GANC: variants seen among roughly 807,000 people sequenced by gnomAD.
GANC encodes glucosidase alpha, neutral C.
In GANC, 117 loss-of-function variants were observed where a neutral mutation model predicts 124.2. The ratio of observed to expected loss-of-function variants is 0.94; its 90% CI spans 0.81 to 1.10. GANC has a LOEUF of 1.10. Among genes scored for constraint, GANC ranks in the 50% least tolerant of loss-of-function variants. The pLI, the probability that GANC is intolerant of heterozygous loss-of-function variation, is 0.00. For missense variants in GANC, 1,140 were observed against 1,095.0 expected (o/e 1.04, Z -0.58); for synonymous variants, 377 against 376.8 (o/e 1.00, Z -0.01).
chr15:42,329,149 A>T (rs1350948151), intron 13 of GANC, among the ~76,000 whole-genome samples, 157 bp from the exon 14 acceptor site: 1 of 152,244 alleles, frequency 6.6e-6, no homozygotes, highest in African/African-American at 2.4e-5. Flanking sequence ...AACAAAACAG[A>T]CAAAATGTTG....
rs958431588 is a variant in GANC at position 42,353,656 on chromosome 15, G to A, written c.*1517G>A. 7.1e-6 allele frequency: 7 copies of A among 985,254 alleles called. No individual in the cohort carries two copies. The highest frequency in any genetic ancestry group is 1.2e-4 in the Admixed American group (2 of 16,256). The allele number at this position is 985,254 out of a possible 1,614,324, so 61.0% of individuals were successfully genotyped here. ...TGGATTTAATTGATTAAAAAATTAC[G>A]ATTGAATGTATTTCCATCTGATTTG... On this transcript the variant is annotated 3_prime_UTR_variant, in exon 24 of 24. Coordinates refer to ENST00000318010, the MANE Select transcript of GANC (RefSeq NM_198141.3).
chr15:42,295,762 C>T (rs1386099449), intron 5 of GANC, among the ~76,000 whole-genome samples: 1 of 151,954 alleles, frequency 6.6e-6, no homozygotes, highest in South Asian at 2.1e-4. Flanking sequence ...GTCACTACTC[C>T]ATCCTAACAA....
chr15:42,303,381 G>C (rs927691298), intron 6 of GANC, among the ~76,000 whole-genome samples: 1 of 152,124 alleles, frequency 6.6e-6, no homozygotes, highest in South Asian at 2.1e-4. Flanking sequence ...GGAAAAATCA[G>C]CCCTAGCCAC....
At chr15:42,350,022 C>CTTTTTTTTTTTTTTTTTTTTTTTTT (rs753077889) in intron 22 of GANC, among the ~76,000 whole-genome samples, 1 of 75,036 alleles carries the variant, frequency 1.3e-5, no homozygotes, top group Non-Finnish European at 2.5e-5. Context: ...CTTTCCCCCA[C>CTTTTTTTTTTTTTTTTTTTTTTTTT]TTTTTTTTTT....
At chr15:42,314,446 G>C in intron 10 of GANC, 2 of 331,262 alleles carry the variant, frequency 6.0e-6, no homozygotes, top group Non-Finnish European at 1.1e-5. Context: ...CTGAGCTTGT[G>C]ACACAGCTAA....
In GANC at chr15:42,306,621, GA is replaced by G; in HGVS notation, c.625+12del. The G allele has an allele frequency of 6.3e-7, 1 of 1,575,552 alleles. No individual in the cohort carries two copies. Among genetic ancestry groups the G allele is most frequent in the East Asian group, 2.2e-5 (1 of 44,636 alleles). On this transcript the variant is annotated intron_variant, in intron 7 of 23. Transcript: ENST00000318010. The stretch of plus-strand genomic sequence containing the variant: ...GGATATCAAAGCTAATGGTAAAATT[GA>G]AACTGGTATAGTATTAAAACAGATC...
At chr15:42,309,891 G>A (rs148231090) in intron 8 of GANC, among the ~76,000 whole-genome samples, 82 of 152,116 alleles carry the variant, frequency 5.4e-4, no homozygotes, top group African/African-American at 1.9e-3. Context: ...GTAGTGGCAC[G>A]CACCTGTATT....
rs199846103 is a variant in GANC at position 42,345,813 on chromosome 15, T to C, written c.2285T>C (p.Ile762Thr). The change falls in exon 20 of 24, where the codon ATC becomes ACC. Residue 762 changes from isoleucine to threonine, a missense_variant. By Grantham distance (89) the Ile-to-Thr change is moderately conservative. Coordinates refer to ENST00000318010, the MANE Select transcript of GANC (RefSeq NM_198141.3). ...AHWEGGCTVK[I>T]PVALDTIPVF... ...TGGGAAGGAGGGTGTACTGTAAAGA[T>C]CCCAGTAGCCTTGGACACTGTAAGT... The C allele has an allele frequency of 5.0e-6, 8 of 1,610,854 alleles. No individual in the cohort carries two copies. In the East Asian group the frequency reaches 1.8e-4, roughly 36 times the overall value.
chr15:42,344,101 C>T lies in GANC; in HGVS notation c.2229+947C>T, dbSNP rs184025166. Among the ~76,000 whole-genome samples, 35 of 152,338 alleles carry T rather than the reference C, an allele frequency of 2.3e-4. No individual in the cohort carries two copies. The East Asian group carries it at 6.4e-3, about 28-fold the overall frequency. On this transcript the variant is annotated intron_variant, in intron 19 of 23. Transcript: ENST00000318010. ...GGCAACCCCATGAAACCACATCCAG[C>T]GCCGTGCTCTCCCTCAACATAGCTT...
In GANC at chr15:42,353,396, A is replaced by G. The variant is rs1005436973; in HGVS notation, c.*1257A>G. The G allele has an allele frequency of 2.1e-5, 21 of 978,880 alleles. No individual in the cohort carries two copies. In the African/African-American group the frequency reaches 3.5e-4, roughly 16 times the overall value. 60.6% of individuals were successfully genotyped at this position (978,880 alleles called of 1,614,324 possible). Reference sequence around the variant, plus strand: ...CTTTCCCATGAAGCCTAACTGCGTGAACACCCCTACCCCCATACCCATTAG... The same window carrying G: ...CTTTCCCATGAAGCCTAACTGCGTGGACACCCCTACCCCCATACCCATTAG... On this transcript the variant is annotated 3_prime_UTR_variant, in exon 24 of 24. Coordinates refer to ENST00000318010, the MANE Select transcript of GANC (RefSeq NM_198141.3).
chr15:42,284,030 G>A (rs531911089), intron 3 of GANC: 67 of 701,580 alleles, frequency 9.5e-5, no homozygotes, highest in African/African-American at 1.9e-4. Context: ...TCTGGATCCC[G>A]GGAGGTCTTG....
chr15:42,321,838 A>T lies in GANC; in HGVS notation c.1111A>T (p.Asn371Tyr), dbSNP rs751368632. ...TTTGGGATACCACCAGTGCCGCTGG[A>T]ACTATGAAGATGAGCAGGATGTAAA... is the stretch of plus-strand genomic sequence containing the variant. Reference protein sequence around the residue: ...FSLGYHQCRWNYEDEQDVKAV... With the variant: ...FSLGYHQCRWYYEDEQDVKAV... The change falls in exon 11 of 24, where the codon AAC becomes TAC. Residue 371 changes from asparagine to tyrosine, a missense_variant. By Grantham distance (143) the Asn-to-Tyr change is moderately radical. Coordinates refer to ENST00000318010, the MANE Select transcript of GANC (RefSeq NM_198141.3). 1.0e-4 allele frequency: 165 copies of T among 1,614,100 alleles called. No homozygotes were observed. The highest frequency in any genetic ancestry group is 4.9e-4 in the Middle Eastern group (3 of 6,084).
intron 6 of GANC, among the ~76,000 whole-genome samples, chr15:42,300,276 A>G (rs2141034291): frequency 1.3e-5 from 2 of 152,332 alleles, no homozygotes; most frequent in Middle Eastern, 6.8e-3. Context: ...AAACAACCCC[A>G]TCAAAACATA....
Position 42,310,413 on chromosome 15 carries a change from C to T in GANC, c.853C>T (p.Leu285=). 6.2e-7 allele frequency: 1 copy of T among 1,613,648 alleles called. No homozygotes were observed. ...GGGCAGAACTATAGGTATTTTCTGG[C>T]TGAATGCCTCGGAAACACTGGTGGA... is the stretch of plus-strand genomic sequence containing the variant. ...KLGRTIGIFW[L]NASETLVEIN... is the part of the protein sequence containing the mutation. Residue 285 remains leucine (L), a synonymous_variant, in exon 9 of 24, where the codon CTG becomes TTG. Transcript: ENST00000318010.
chr15:42,308,373 C>A, intron 8 of GANC, 55 bp downstream of exon 8: 4 of 1,194,232 alleles, frequency 3.3e-6, no homozygotes, highest in Admixed American at 1.7e-5. Flanking sequence ...TTGAGATGAT[C>A]TGAAAACATT....
chr15:42,352,738 TTTC>T lies in GANC; in HGVS notation c.*601_*603del, dbSNP rs1402072531. 2.0e-6 allele frequency: 2 copies of T among 985,268 alleles called. No individual in the cohort carries two copies. Among genetic ancestry groups the T allele is most frequent in the African/African-American group, 3.5e-5 (2 of 57,230 alleles). 61.0% of individuals were successfully genotyped at this position (985,268 alleles called of 1,614,324 possible). On this transcript the variant is annotated 3_prime_UTR_variant, in exon 24 of 24. Coordinates refer to ENST00000318010, the MANE Select transcript of GANC (RefSeq NM_198141.3). ...CTTTCATGCTTCTCAGGCTCAATAGTTTCTAATTAATCTTAAAATCCATGTCTT... is the reference window on the plus strand; with the variant it reads ...CTTTCATGCTTCTCAGGCTCAATAGTTAATTAATCTTAAAATCCATGTCTT...
chr15:42,351,378 A>G lies in GANC; in HGVS notation c.2581A>G (p.Ile861Val). 1 of 1,614,064 alleles carries G rather than the reference A, an allele frequency of 6.2e-7. No homozygotes were observed. The highest frequency in any genetic ancestry group is 8.5e-7 in the Non-Finnish European group (1 of 1,179,970). The change falls in exon 23 of 24, where the codon ATC (isoleucine) becomes GTC (valine). Residue 861 changes from isoleucine (I) to valine (V), a missense_variant. By Grantham distance (29) the Ile-to-Val change is conservative (BLOSUM62 3). Coordinates refer to ENST00000318010, the MANE Select transcript of GANC (RefSeq NM_198141.3). ...HYPSKCVVEK[I>V]LVLGFRKEPS... ...TCCCAGCAAGTGTGTGGTGGAGAAG[A>G]TCTTGGTCTTAGGCTTCAGGAAGGA...
chr15:42,350,022 C>CTTTTTTTT (rs753077889), intron 22 of GANC, among the ~76,000 whole-genome samples: 80 of 75,034 alleles, frequency 1.1e-3, no homozygotes, highest in Non-Finnish European at 1.5e-3. Context: ...CTTTCCCCCA[C>CTTTTTTTT]TTTTTTTTTT....
At chr15:42,310,935 C>T in intron 10 of GANC, 89 bp downstream of exon 10, 1 of 1,399,406 alleles carries the variant, frequency 7.1e-7, no homozygotes, top group Non-Finnish European at 9.9e-7. Context: ...TTGTTGTATA[C>T]TATGTAGAGT....
Sources: allele counts gnomAD v4.1 joint callset (sites outside exome capture counted in the v4.1 genomes callset), GRCh38; gene constraint gnomAD v4.1.1; transcripts MANE v1.5; gene names NCBI Gene and HGNC (gene_info 2026-07-23, HGNC 2026-07-21).